The following RAB21 variants were observed in gnomAD, a reference collection of about 807,000 sequenced individuals.
The protein encoded by RAB21 is RAB21, member RAS oncogene family.
RAB21 carries 13 observed loss-of-function variants against 33.1 expected under a neutral mutation model. The ratio of observed to expected loss-of-function variants is 0.39; its 90% CI spans 0.26 to 0.62. The LOEUF (loss-of-function observed/expected upper bound fraction) is 0.62. Ranked by LOEUF, RAB21 falls within the 20% of genes least tolerant of loss-of-function variation. RAB21 has a pLI of 0.48. For missense variants in RAB21, 234 were observed against 279.1 expected (o/e 0.84, Z 1.15); for synonymous variants, 91 against 103.7 (o/e 0.88, Z 0.74).
rs1463432934 is a variant in RAB21, at chr12:71,794,095, G to A, written c.*8422G>A. 2 of 152,078 alleles carry A rather than the reference G, an allele frequency of 1.3e-5. No homozygotes were observed. Among genetic ancestry groups the A allele is most frequent in the Non-Finnish European group, 2.9e-5 (2 of 68,120 alleles). The allele number at this position is 152,078 out of a possible 1,614,324, so 9.4% of individuals were successfully genotyped here. A position where few individuals can be genotyped will look rare whatever the true frequency, so the allele number is the denominator to read the frequency against. On this transcript the variant is annotated 3_prime_UTR_variant, in exon 7 of 7. Coordinates refer to ENST00000261263, the MANE Select transcript of RAB21 (RefSeq NM_014999.4). Reference sequence around the variant, plus strand: ...AAATTAGCCAGGTGTGGTGGTGTGTGCCTGTAGTCTCAGCTACTCAGGAGG... The same window carrying A: ...AAATTAGCCAGGTGTGGTGGTGTGTACCTGTAGTCTCAGCTACTCAGGAGG...
At position 71,791,969 on chromosome 12, in the gene RAB21, A is replaced by G. The variant is rs540796883; in HGVS notation, c.*6296A>G. On this transcript the variant is annotated 3_prime_UTR_variant, in exon 7 of 7. Coordinates refer to ENST00000261263, the MANE Select transcript of RAB21 (RefSeq NM_014999.4). ...AGCCTCAAACTCCTGGGCTTAAGCA[A>G]TCCTCCCACCTCAGACTTCGAAGTA... is the stretch of plus-strand genomic sequence containing the variant. The G allele has an allele frequency of 6.6e-6, 1 of 152,264 alleles. No homozygotes were observed. Among genetic ancestry groups the G allele is most frequent in the East Asian group, 1.9e-4 (1 of 5,180 alleles). 9.4% of individuals were successfully genotyped at this position (152,264 alleles called of 1,614,324 possible). A position where few individuals can be genotyped will look rare whatever the true frequency, so the allele number is the denominator to read the frequency against.
At chr12:71,767,105 G>A (rs1298606135) in intron 1 of RAB21, among the ~76,000 whole-genome samples, 1 of 152,148 alleles carries the variant, frequency 6.6e-6, no homozygotes. Flanking sequence ...TTTACTGCAT[G>A]GATGGCTATT....
In RAB21 at chr12:71,785,650, G is replaced by A; in HGVS notation, c.655G>A (p.Gly219Arg). The part of the protein sequence containing the change: ...DDEPQAQTSG[G>R]GCCSSG ...TGAACCTCAAGCCCAGACCAGTGGT[G>A]GAGGGTGCTGTTCTTCTGGATAACT... Residue 219 changes from glycine (G) to arginine (R), a missense_variant, in exon 7 of 7, where the codon GGA (glycine) becomes AGA (arginine). Gly to Arg is a moderately radical substitution (Grantham distance 125). Coordinates refer to ENST00000261263, the MANE Select transcript of RAB21 (RefSeq NM_014999.4). The A allele has an allele frequency of 6.2e-7, 1 of 1,614,158 alleles. No individual in the cohort carries two copies. The highest frequency in any genetic ancestry group is 8.5e-7 in the Non-Finnish European group (1 of 1,180,032).
Position 71,782,103 on chromosome 12 carries a change from C to G in RAB21, c.446+18C>G, listed in dbSNP as rs1485675355. On this transcript the variant is annotated intron_variant, in intron 5 of 6. Coordinates refer to ENST00000261263, the MANE Select transcript of RAB21 (RefSeq NM_014999.4). ...GCAGAGTCGTAAGTACTGTGACCCT[C>G]CCATTCCCCATCACTCCCTAGTAGA... 1.3e-6 allele frequency: 2 copies of G among 1,592,340 alleles called. No individual in the cohort carries two copies. The highest frequency in any genetic ancestry group is 1.3e-5 in the African/African-American group (1 of 74,388).
At chr12:71,765,020 T>G (rs565633841) in intron 1 of RAB21, among the ~76,000 whole-genome samples, 1 of 152,312 alleles carries the variant, frequency 6.6e-6, no homozygotes, top group South Asian at 2.1e-4. Context: ...CTTTTAGTTC[T>G]GTAAGTAATC....
chr12:71,763,864 A>G (rs537701549), intron 1 of RAB21, among the ~76,000 whole-genome samples: 1 of 152,336 alleles, frequency 6.6e-6, no homozygotes, highest in African/African-American at 2.4e-5. Context: ...GCTTTGTGCA[A>G]TGGAAAAACC....
rs1236581975 is a variant in RAB21 at position 71,791,280 on chromosome 12, C to G, written c.*5607C>G. 6.6e-6 allele frequency: 1 copy of G among 152,342 alleles called. No homozygotes were observed. Among genetic ancestry groups the G allele is most frequent in the Non-Finnish European group, 1.5e-5 (1 of 68,158 alleles). The allele number at this position is 152,342 out of a possible 1,614,324, so 9.4% of individuals were successfully genotyped here. On this transcript the variant is annotated 3_prime_UTR_variant, in exon 7 of 7. Coordinates refer to ENST00000261263, the MANE Select transcript of RAB21 (RefSeq NM_014999.4). ...GTACTGAGATTACAGATGTGAGCCACTAGGCCCAGTCAGTATCATAGAATT... is the reference window on the plus strand; with the variant it reads ...GTACTGAGATTACAGATGTGAGCCAGTAGGCCCAGTCAGTATCATAGAATT...
intron 4 of RAB21, among the ~76,000 whole-genome samples, chr12:71,774,458 T>G (rs1173772335): frequency 6.6e-6 from 1 of 150,944 alleles, no homozygotes; most frequent in Non-Finnish European, 1.5e-5. Flanking sequence ...ACAGTGAGAT[T>G]CCATCTCAAA....
intron 4 of RAB21, among the ~76,000 whole-genome samples, chr12:71,779,969 C>T (rs1388879979): frequency 6.6e-6 from 1 of 152,148 alleles, no homozygotes; most frequent in Non-Finnish European, 1.5e-5. Flanking sequence ...ACTAGCCAGT[C>T]AGGTTTCTGC....
intron 1 of RAB21, among the ~76,000 whole-genome samples, chr12:71,758,801 C>T (rs867649082): frequency 2.6e-5 from 4 of 152,226 alleles, no homozygotes; most frequent in South Asian, 4.2e-4. Flanking sequence ...TGAATCTCTT[C>T]TAGGCACTAT....
At chr12:71,756,263 T>C (rs1381215352) in intron 1 of RAB21, among the ~76,000 whole-genome samples, 1 of 152,200 alleles carries the variant, frequency 6.6e-6, no homozygotes, top group Non-Finnish European at 1.5e-5. Context: ...TCTGTGCCTG[T>C]TTCTTCTGTT....
Position 71,788,172 on chromosome 12 carries a change from G to A in RAB21, c.*2499G>A, listed in dbSNP as rs143588060. On this transcript the variant is annotated 3_prime_UTR_variant, in exon 7 of 7. Coordinates refer to ENST00000261263, the MANE Select transcript of RAB21 (RefSeq NM_014999.4). ...AAATTGAGCTTTATTTTAAAAAAAC[G>A]TTCTAAAGCCTGATAATTGGAGAGC... is the stretch of plus-strand genomic sequence containing the variant. The A allele has an allele frequency of 6.6e-6, 1 of 152,038 alleles. No individual in the cohort carries two copies. The highest frequency in any genetic ancestry group is 1.5e-5 in the Non-Finnish European group (1 of 68,004). 9.4% of individuals were successfully genotyped at this position (152,038 alleles called of 1,614,324 possible). A position where few individuals can be genotyped will look rare whatever the true frequency, so the allele number is the denominator to read the frequency against.
intron 6 of RAB21, among the ~76,000 whole-genome samples, chr12:71,783,459 TGTACAC>T (rs1200679198): frequency 6.6e-6 from 1 of 151,434 alleles, no homozygotes; most frequent in African/African-American, 2.4e-5. Flanking sequence ...TGTGTGTGTG[TGTACAC>T]ACACACACAC....
At position 71,791,724 on chromosome 12, in the gene RAB21, T is replaced by G. The variant is rs922998998; in HGVS notation, c.*6051T>G. 2 of 152,204 alleles carry G rather than the reference T, an allele frequency of 1.3e-5. No homozygotes were observed. The highest frequency in any genetic ancestry group is 1.3e-4 in the Admixed American group (2 of 15,276). The allele number at this position is 152,204 out of a possible 1,614,324, so 9.4% of individuals were successfully genotyped here. ...TTAGAGGTAACCATTGTTAACAGTTTGGTTTGTGTCTTTATTATGCAGTTT... is the reference window on the plus strand; with the variant it reads ...TTAGAGGTAACCATTGTTAACAGTTGGGTTTGTGTCTTTATTATGCAGTTT... On this transcript the variant is annotated 3_prime_UTR_variant, in exon 7 of 7. Coordinates refer to ENST00000261263, the MANE Select transcript of RAB21 (RefSeq NM_014999.4).
At chr12:71,761,338 G>A (rs1287275784) in intron 1 of RAB21, among the ~76,000 whole-genome samples, 2 of 152,176 alleles carry the variant, frequency 1.3e-5, no homozygotes, top group African/African-American at 2.4e-5. Context: ...GAGCCCAGGA[G>A]TTTAAGACCA....
chr12:71,792,055 G>A lies in RAB21; in HGVS notation c.*6382G>A, dbSNP rs1443481271. On this transcript the variant is annotated 3_prime_UTR_variant, in exon 7 of 7. Coordinates refer to ENST00000261263, the MANE Select transcript of RAB21 (RefSeq NM_014999.4). ...CCTGGCTAATTGTTTTGTTTTTTTTGTGGAGATGGCTCTCACTTTGTTGCC... is the reference window on the plus strand; with the variant it reads ...CCTGGCTAATTGTTTTGTTTTTTTTATGGAGATGGCTCTCACTTTGTTGCC... The A allele has an allele frequency of 6.6e-6, 1 of 151,762 alleles. No homozygotes were observed. Among genetic ancestry groups the A allele is most frequent in the Non-Finnish European group, 1.5e-5 (1 of 67,974 alleles). The allele number at this position is 151,762 out of a possible 1,614,324, so 9.4% of individuals were successfully genotyped here.
In RAB21 at chr12:71,755,158, G is replaced by GGGC. The variant is rs745789029; in HGVS notation, c.41_43dup (p.Ala14dup). On this transcript the variant is annotated inframe_insertion, in exon 1 of 7. Coordinates refer to ENST00000261263, the MANE Select transcript of RAB21 (RefSeq NM_014999.4). ...GCTGCGGCCGGCGGCGGCGGCGGCG[G>GGGC]GGCGGCGGCGGCGGGCCGAGCCTAC... The GGGC allele has an allele frequency of 1.0e-4, 131 of 1,305,172 alleles. No homozygotes were observed. The East Asian group carries it at 2.0e-3, about 20-fold the overall frequency. The allele number at this position is 1,305,172 out of a possible 1,614,324, so 80.8% of individuals were successfully genotyped here. A position where few individuals can be genotyped will look rare whatever the true frequency, so the allele number is the denominator to read the frequency against.
intron 1 of RAB21, among the ~76,000 whole-genome samples, chr12:71,756,721 C>A (rs181016271): frequency 5.4e-4 from 82 of 152,306 alleles, no homozygotes; most frequent in African/African-American, 1.8e-3. Context: ...CAAGAAAATT[C>A]ACTGGACAAA....
At chr12:71,779,405 G>A (rs1012901414) in intron 4 of RAB21, among the ~76,000 whole-genome samples, 1 of 152,066 alleles carries the variant, frequency 6.6e-6, no homozygotes, top group Non-Finnish European at 1.5e-5. Flanking sequence ...AGAGAGCCGT[G>A]TTCACGCCAC....
Sources: gnomAD v4.1 joint callset for allele counts (sites outside exome capture counted in the v4.1 genomes callset) on GRCh38, gnomAD v4.1.1 for gene constraint, MANE v1.5 for transcripts, NCBI Gene and HGNC (gene_info 2026-07-23, HGNC 2026-07-21) for gene names.